AMY2B: variants seen among roughly 807,000 people sequenced by gnomAD.
AMY2B encodes amylase alpha 2B.
A neutral mutation model predicts 59.3 loss-of-function variants in AMY2B; 63 were observed. The ratio of observed to expected loss-of-function variants is 1.06; its 90% CI spans 0.87 to 1.31. The LOEUF (loss-of-function observed/expected upper bound fraction) is 1.31, where lower values mean the gene tolerates loss of function less well. AMY2B is among the 50% of genes most tolerant of loss of function. AMY2B has a pLI of 0.00. For missense variants in AMY2B, 635 were observed against 626.7 expected (o/e 1.01, Z -0.14); for synonymous variants, 180 against 198.1 (o/e 0.91, Z 0.77).
At chr1:103,558,630 A>G (rs533290357) in intron 1 of AMY2B, among the ~76,000 whole-genome samples, 1 of 152,096 alleles carries the variant, frequency 6.6e-6, no homozygotes, top group Non-Finnish European at 1.5e-5. Flanking sequence ...GGGCATAATT[A>G]GTCATGCTTG....
chr1:103,575,539 A>C lies in AMY2B; in HGVS notation c.1100A>C (p.Asn367Thr), dbSNP rs572909605. 1.9e-6 allele frequency: 3 copies of C among 1,613,616 alleles called. No homozygotes were observed. The highest frequency in any genetic ancestry group is 2.5e-6 in the Non-Finnish European group (3 of 1,179,744). Residue 367 changes from asparagine to threonine, a missense_variant and splice_region_variant, in exon 7 of 10, where the codon AAC (asparagine) becomes ACC (threonine). By Grantham distance (65) the Asn-to-Thr change is moderately conservative (BLOSUM62 0). Transcript: ENST00000684275. ...TGGCCAAGACAGTTTCAAAATGGAA[A>C]CGTAAGTTTTGAAATTGTTCAAACT... The part of the protein sequence containing the change: ...YRWPRQFQNG[N>T]DVNDWVGPPN...
rs1277698522 is a variant in AMY2B, at chr1:103,577,702, A to G, written c.1221-18A>G. 5.0e-6 allele frequency: 8 copies of G among 1,611,662 alleles called. No homozygotes were observed. The highest frequency in any genetic ancestry group is 6.8e-6 in the Non-Finnish European group (8 of 1,179,748). ...AAGTTTAAGAATATCAACGTTTTAT[A>G]TGGTATTGTGTTTTTAGGAACATGG... On this transcript the variant is annotated intron_variant, in intron 8 of 9. Coordinates refer to ENST00000684275, the MANE Select transcript of AMY2B (RefSeq NM_001387437.1).
intron 1 of AMY2B, among the ~76,000 whole-genome samples, chr1:103,563,356 TAACTG>T (rs1429642560): frequency 6.6e-6 from 1 of 152,138 alleles, no homozygotes; most frequent in Non-Finnish European, 1.5e-5. Flanking sequence ...ATATTACTAA[TAACTG>T]AATAGCTTCT....
chr1:103,570,080 A>T, upstream of AMY2B: 1 of 435,568 alleles, frequency 2.3e-6, no homozygotes, highest in East Asian at 5.5e-5. Flanking sequence ...ACCATTCTGC[A>T]TCTGGACCTG....
At chr1:103,575,144 A>C (rs1439981017) in intron 5 of AMY2B, 79 bp from the exon 6 acceptor site, 1 of 1,597,258 alleles carries the variant, frequency 6.3e-7, no homozygotes, top group Non-Finnish European at 8.5e-7. Context: ...CATGCCATGC[A>C]GAAAGAGATG....
chr1:103,570,080 A>G, upstream of AMY2B: 1 of 435,568 alleles, frequency 2.3e-6, no homozygotes, highest in Middle Eastern at 5.0e-4. Context: ...ACCATTCTGC[A>G]TCTGGACCTG....
chr1:103,570,453 G>C (rs915883371), upstream of AMY2B: 3 of 754,746 alleles, frequency 4.0e-6, no homozygotes, highest in African/African-American at 5.2e-5. Flanking sequence ...GCTATCTGGT[G>C]GCAACATGTA....
At chr1:103,569,315 T>TCGGTG, upstream of AMY2B, 1 of 159,190 alleles carries the variant, frequency 6.3e-6, no homozygotes, top group Non-Finnish European at 1.4e-5. Context: ...TGTGTAGATA[T>TCGGTG]GTGTGTGTTT....
upstream of AMY2B, chr1:103,570,286 C>T (rs777649730): frequency 1.7e-4 from 98 of 576,686 alleles, 1 homozygote; most frequent in South Asian, 4.0e-4. Context: ...GCCTGATGGC[C>T]ATGTCATCAC....
At chr1:103,572,005 G>T (rs1652152272) in intron 1 of AMY2B, 105 bp from the exon 2 acceptor site, 1 of 1,577,270 alleles carries the variant, frequency 6.3e-7, no homozygotes, top group Non-Finnish European at 8.6e-7. Context: ...AGAGATAGCT[G>T]CATATACCAA....
At chr1:103,554,911 A>C (rs1651497750) in exon 1 of AMY2B, 1 of 152,250 alleles carries the variant, frequency 6.6e-6, no homozygotes, top group South Asian at 2.1e-4. Context: ...TATTTAGATA[A>C]ATTTTGTTAT....
intron 1 of AMY2B, chr1:103,555,148 C>G (rs1651508334): frequency 6.6e-6 from 1 of 151,938 alleles, no homozygotes; most frequent in Admixed American, 6.5e-5. Flanking sequence ...AAAATTAAAT[C>G]TATATGCCTT....
At chr1:103,559,245 C>G (rs1347673639) in intron 1 of AMY2B, among the ~76,000 whole-genome samples, 1 of 152,122 alleles carries the variant, frequency 6.6e-6, no homozygotes, top group Non-Finnish European at 1.5e-5. Context: ...CGGAAGTTTC[C>G]TATGTTTAAA....
intron 4 of AMY2B, 77 bp downstream of exon 4, chr1:103,574,015 A>G (rs1652245655): frequency 1.7e-5 from 27 of 1,608,570 alleles, no homozygotes; most frequent in Non-Finnish European, 2.0e-5. Flanking sequence ...TAAAAATGCA[A>G]TTTCTATAGG....
rs773571986 is a variant in AMY2B at position 103,574,256 on chromosome 1, C to G, written c.745-4C>G. Reference sequence around the variant, plus strand: ...AATGTTACTTTTTCCTAATTTTCTACTAGGTAATTGATCTGGGTGGTGAGC... The same window carrying G: ...AATGTTACTTTTTCCTAATTTTCTAGTAGGTAATTGATCTGGGTGGTGAGC... On this transcript the variant is annotated splice_region_variant and splice_polypyrimidine_tract_variant and intron_variant, in intron 4 of 9. Coordinates refer to ENST00000684275, the MANE Select transcript of AMY2B (RefSeq NM_001387437.1). 2 of 1,611,406 alleles carry G rather than the reference C, an allele frequency of 1.2e-6. No individual in the cohort carries two copies. Among genetic ancestry groups the G allele is most frequent in the African/African-American group, 2.7e-5 (2 of 74,768 alleles).
At chr1:103,554,897 G>A (rs553298918) in exon 1 of AMY2B, 3 of 152,208 alleles carry the variant, frequency 2.0e-5, no homozygotes, top group Non-Finnish European at 2.9e-5. Flanking sequence ...CTTTATAAGC[G>A]GTTTATTTAG....
upstream of AMY2B, chr1:103,570,642 GC>G: frequency 1.7e-6 from 1 of 589,026 alleles, no homozygotes; most frequent in South Asian, 1.4e-5. Flanking sequence ...CAATGACTTG[GC>G]CCCCTCCATC....
At chr1:103,572,382 A>C (rs1252490521) in intron 2 of AMY2B, 126 bp downstream of exon 2, 1 of 1,469,410 alleles carries the variant, frequency 6.8e-7, no homozygotes, top group Non-Finnish European at 9.1e-7. Flanking sequence ...CATACTTTAA[A>C]ACTCAAAATT....
chr1:103,575,373 T>TA (rs1652311401), intron 6 of AMY2B, 28 bp downstream of exon 6: 4 of 1,612,878 alleles, frequency 2.5e-6, no homozygotes, highest in Non-Finnish European at 3.4e-6. Flanking sequence ...CTATTTTTTT[T>TA]AACACATCTT....
Sources: allele counts gnomAD v4.1 joint callset (sites outside exome capture counted in the v4.1 genomes callset), GRCh38; gene constraint gnomAD v4.1.1; transcripts MANE v1.5; gene names NCBI Gene and HGNC (gene_info 2026-07-23, HGNC 2026-07-21).